HS3ST4: variants seen among roughly 807,000 people sequenced by gnomAD.
HS3ST4 encodes heparan sulfate glucosamine 3-O-sulfotransferase 4.
In HS3ST4, 17 loss-of-function variants were observed where a neutral mutation model predicts 29.2. The observed-to-expected ratio is 0.58, with a 90% CI of 0.40 to 0.87. The LOEUF (loss-of-function observed/expected upper bound fraction) is 0.87, where lower values mean the gene tolerates loss of function less well. Among genes scored for constraint, HS3ST4 ranks in the 40% least tolerant of loss-of-function variants. HS3ST4 has a pLI of 0.00. For missense variants in HS3ST4, 627 were observed against 634.5 expected (o/e 0.99, Z 0.13); for synonymous variants, 314 against 285.7 (o/e 1.10, Z -1.00).
At chr16:25,743,004 T>C (rs1358198209) in intron 1 of HS3ST4, among the ~76,000 whole-genome samples, 1 of 152,164 alleles carries the variant, frequency 6.6e-6, no homozygotes, top group East Asian at 1.9e-4. Context: ...CAGAATCCCA[T>C]TGAACTTCCG....
intron 1 of HS3ST4, among the ~76,000 whole-genome samples, chr16:26,011,741 A>G (rs1243062783): frequency 1.6e-5 from 2 of 124,014 alleles, no homozygotes; most frequent in East Asian, 2.5e-4. Flanking sequence ...GTGTGTGTGC[A>G]TGTGTGTAGG....
At chr16:25,987,296 C>G (rs1298119863) in intron 1 of HS3ST4, among the ~76,000 whole-genome samples, 2 of 151,684 alleles carry the variant, frequency 1.3e-5, no homozygotes, top group African/African-American at 4.9e-5. Flanking sequence ...TTGCAGTGAG[C>G]TGAGATCACG....
rs564121134 is a variant in HS3ST4, at chr16:26,051,669, C to G, written c.735-83943C>G. 3.4e-5 allele frequency among the ~76,000 whole-genome samples: 5 copies of G among 148,586 alleles called. No individual in the cohort carries two copies. The East Asian group carries it at 1.0e-3, about 31-fold the overall frequency. ...CGGAGGGCCCCACCACTCTCCCTCT[C>G]CCTCCCTCCTCTCATCTTCCCTCCC... On this transcript the variant is annotated intron_variant, in intron 1 of 1. Transcript: ENST00000331351.
At chr16:26,091,339 A>T (rs1037370378) in intron 1 of HS3ST4, among the ~76,000 whole-genome samples, 1 of 152,224 alleles carries the variant, frequency 6.6e-6, no homozygotes, top group Admixed American at 6.5e-5. Context: ...TAGTGAAAAC[A>T]TGTAGCATAA....
intron 1 of HS3ST4, among the ~76,000 whole-genome samples, chr16:25,853,310 GTGTATATA>G (rs1369444997): frequency 9.8e-5 from 14 of 143,288 alleles, no homozygotes; most frequent in South Asian, 4.3e-4. Flanking sequence ...GTGTGTGTGT[GTGTATATA>G]TATATATATA....
chr16:25,816,167 C>T (rs1967090926), intron 1 of HS3ST4, among the ~76,000 whole-genome samples: 2 of 152,132 alleles, frequency 1.3e-5, no homozygotes, highest in African/African-American at 4.8e-5. Flanking sequence ...ACTACTCACC[C>T]TCCGTGGCTT....
intron 1 of HS3ST4, among the ~76,000 whole-genome samples, chr16:26,030,323 T>C (rs1007432690): frequency 3.3e-5 from 5 of 152,196 alleles, no homozygotes; most frequent in African/African-American, 9.7e-5. Flanking sequence ...GGAAGATCAC[T>C]TAAGCTCAGA....
intron 1 of HS3ST4, among the ~76,000 whole-genome samples, chr16:26,050,733 T>C (rs1014565526): frequency 6.6e-6 from 1 of 152,190 alleles, no homozygotes; most frequent in Non-Finnish European, 1.5e-5. Context: ...CCCATGCATA[T>C]TGCTCTGGTG....
At chr16:25,711,682 C>G (rs944660385) in intron 1 of HS3ST4, among the ~76,000 whole-genome samples, 4 of 152,134 alleles carry the variant, frequency 2.6e-5, no homozygotes, top group African/African-American at 7.2e-5. Flanking sequence ...TAACATCACT[C>G]TCTTGTTATG....
intron 1 of HS3ST4, among the ~76,000 whole-genome samples, chr16:26,030,636 T>C (rs891449485): frequency 6.6e-6 from 1 of 152,270 alleles, no homozygotes. Flanking sequence ...TGGCTATACA[T>C]ACCTAGGCAC....
At chr16:25,844,333 A>T (rs9921067) in intron 1 of HS3ST4, among the ~76,000 whole-genome samples, 2,482 of 152,282 alleles carry the variant, frequency 0.016, 67 homozygotes, top group African/African-American at 0.056. Context: ...ATTTATTTTT[A>T]TTCATCCAGG....
intron 1 of HS3ST4, among the ~76,000 whole-genome samples, chr16:26,042,236 C>T (rs532082290): frequency 6.6e-6 from 1 of 152,210 alleles, no homozygotes; most frequent in Admixed American, 6.5e-5. Flanking sequence ...AGAAAGCTAT[C>T]CCTTCTCTTT....
intron 1 of HS3ST4, among the ~76,000 whole-genome samples, chr16:25,901,969 G>A (rs1012733078): frequency 2.0e-5 from 3 of 152,218 alleles, no homozygotes; most frequent in Non-Finnish European, 4.4e-5. Context: ...CTTATCATAT[G>A]TCTGTGTCTC....
chr16:25,769,415 G>A (rs1224033437), intron 1 of HS3ST4, among the ~76,000 whole-genome samples: 1 of 152,154 alleles, frequency 6.6e-6, no homozygotes, highest in Non-Finnish European at 1.5e-5. Context: ...AGCTAACAGG[G>A]CAGGGAGGAC....
chr16:26,013,074 A>G (rs1004657379), intron 1 of HS3ST4, among the ~76,000 whole-genome samples: 1 of 152,134 alleles, frequency 6.6e-6, no homozygotes, highest in Admixed American at 6.5e-5. Context: ...GAGGCAAGAG[A>G]ATCGCTTGAA....
intron 1 of HS3ST4, among the ~76,000 whole-genome samples, chr16:25,956,794 C>T (rs1323669661): frequency 6.6e-6 from 1 of 151,852 alleles, no homozygotes; most frequent in African/African-American, 2.4e-5. Context: ...GTCAGGAGAT[C>T]AAGACCATCC....
chr16:26,090,722 G>A (rs576279375), intron 1 of HS3ST4, among the ~76,000 whole-genome samples: 1 of 152,246 alleles, frequency 6.6e-6, no homozygotes, highest in South Asian at 2.1e-4. Flanking sequence ...ATTTAGAGTT[G>A]CGGAGCCTCC....
intron 1 of HS3ST4, among the ~76,000 whole-genome samples, chr16:25,701,369 G>T (rs1211978170): frequency 6.6e-6 from 1 of 152,102 alleles, no homozygotes; most frequent in African/African-American, 2.4e-5. Context: ...GGCTTGGGGT[G>T]GTGGTAAGAG....
chr16:25,721,510 C>T (rs1966495856), intron 1 of HS3ST4, among the ~76,000 whole-genome samples: 1 of 152,032 alleles, frequency 6.6e-6, no homozygotes, highest in African/African-American at 2.4e-5. Context: ...AAGGAATTAA[C>T]ATTTCCAGCT....
Sources: gnomAD v4.1 joint callset for allele counts (sites outside exome capture counted in the v4.1 genomes callset) on GRCh38, gnomAD v4.1.1 for gene constraint, MANE v1.5 for transcripts, NCBI Gene and HGNC (gene_info 2026-07-23, HGNC 2026-07-21) for gene names.